The following SIK3 variants were observed in gnomAD, a reference collection of about 807,000 sequenced individuals.
SIK3 encodes SIK family kinase 3.
A neutral mutation model predicts 144.2 loss-of-function variants in SIK3; 28 were observed. That is an observed-to-expected ratio of 0.19 (90% confidence interval 0.14 to 0.27). SIK3 has a LOEUF of 0.27. Among genes scored for constraint, SIK3 ranks in the 10% least tolerant of loss-of-function variants. SIK3 has a pLI of 1.00. For synonymous variants in SIK3, 686 were observed against 676.3 expected (o/e 1.01, Z -0.22); for missense variants, 1,319 against 1,776.0 (o/e 0.74, Z 4.62).
intron 6 of SIK3, among the ~76,000 whole-genome samples, chr11:116,890,871 C>T (rs773605536): frequency 9.2e-5 from 14 of 151,936 alleles, no homozygotes; most frequent in Non-Finnish European, 2.1e-4. Flanking sequence ...GGCTGAAGAG[C>T]TAGGCAGGAG....
chr11:116,854,890 A>G (rs1942752937), intron 21 of SIK3, among the ~76,000 whole-genome samples: 1 of 152,026 alleles, frequency 6.6e-6, no homozygotes, highest in East Asian at 1.9e-4. Flanking sequence ...CAGGAGTTCA[A>G]GACCAGCCTG....
chr11:116,916,498 T>A (rs111417314), intron 4 of SIK3, among the ~76,000 whole-genome samples: 1 of 150,790 alleles, frequency 6.6e-6, no homozygotes, highest in Admixed American at 6.7e-5. Flanking sequence ...TAAATTTCTA[T>A]AATATCACAT....
intron 8 of SIK3, 90 bp downstream of exon 8, chr11:116,876,163 A>C: frequency 6.7e-7 from 1 of 1,494,832 alleles, no homozygotes; most frequent in Non-Finnish European, 9.1e-7. Flanking sequence ...AGGAAAAAAA[A>C]GGCCCAAGTT....
intron 6 of SIK3, among the ~76,000 whole-genome samples, chr11:116,883,133 A>G (rs1944631347): frequency 6.6e-6 from 1 of 152,158 alleles, no homozygotes; most frequent in South Asian, 2.1e-4. Context: ...AACAAGACCA[A>G]TGGATGGCCT....
chr11:117,089,320 C>A (rs1345189247), intron 1 of SIK3, among the ~76,000 whole-genome samples: 1 of 150,902 alleles, frequency 6.6e-6, no homozygotes, highest in African/African-American at 2.4e-5. Flanking sequence ...GACAGGAGAA[C>A]GGCGTGAACC....
Position 116,954,672 on chromosome 11 carries a change from GTT to G in SIK3, c.391-567_391-566del, listed in dbSNP as rs910088299. Among the ~76,000 whole-genome samples, 59 of 152,204 alleles carry G rather than the reference GTT, an allele frequency of 3.9e-4. 1 individual carries two copies. In the East Asian group the frequency reaches 6.0e-3, roughly 15 times the overall value. ...TTTTAAAGTAACGTAAGTGATTTGT[GTT>G]TTGTCTTGGTCCCTTTGTTGCTCCT... is the stretch of plus-strand genomic sequence containing the variant. On this transcript the variant is annotated intron_variant, in intron 2 of 24. Transcript: ENST00000445177.
chr11:116,987,174 A>G (rs924136158), intron 1 of SIK3, among the ~76,000 whole-genome samples: 6 of 152,182 alleles, frequency 3.9e-5, no homozygotes, highest in Non-Finnish European at 7.4e-5. Flanking sequence ...TGACACTCCA[A>G]TATGACCCCT....
intron 1 of SIK3, among the ~76,000 whole-genome samples, chr11:117,049,975 G>C (rs115162413): frequency 6.6e-6 from 1 of 151,284 alleles, no homozygotes; most frequent in Non-Finnish European, 1.5e-5. Context: ...AAAAAAATAG[G>C]ATCTTATATT....
At chr11:116,875,107 G>A (rs1436053463) in intron 11 of SIK3, 51 bp downstream of exon 11, 16 of 1,425,708 alleles carry the variant, frequency 1.1e-5, no homozygotes, top group Non-Finnish European at 1.4e-5. Context: ...TGAAAGTCAG[G>A]TGACAATTCT....
intron 3 of SIK3, among the ~76,000 whole-genome samples, chr11:116,937,942 C>T (rs147683288): frequency 0.024 from 3,706 of 152,114 alleles, 81 homozygotes; most frequent in South Asian, 0.1. Flanking sequence ...CGGTGGCTCA[C>T]GCCTGTAATC....
chr11:116,857,854 T>C lies in SIK3; in HGVS notation c.3611A>G (p.His1204Arg), dbSNP rs760200378. The change falls in exon 21 of 25, where the codon CAT becomes CGT. Residue 1204 changes from histidine to arginine, a missense_variant. Around this residue, in one of 8 missense-constraint regions of SIK3, gnomAD observed 646 missense variants for 763.7 expected, o/e 0.85. Transcript: ENST00000445177. Reference sequence around the variant, plus strand: ...TTTACTGAATGCAGCAGTTGGCTGATGACCATAGGGATGTATCCCCAATTC... The same window carrying C: ...TTTACTGAATGCAGCAGTTGGCTGACGACCATAGGGATGTATCCCCAATTC... ...AQELGIHPYG[H>R]QPTAAFSKNK... The C allele has an allele frequency of 3.1e-6, 5 of 1,614,244 alleles. No homozygotes were observed. The South Asian group carries it at 5.5e-5, about 18-fold the overall frequency.
intron 3 of SIK3, among the ~76,000 whole-genome samples, chr11:116,939,776 GGACATTTTTTAA>G: frequency 6.6e-6 from 1 of 152,216 alleles, no homozygotes; most frequent in South Asian, 2.1e-4. Flanking sequence ...TCCAAATGTA[GGACATTTTTTAA>G]GACAATCCAG....
chr11:117,018,058 A>G lies in SIK3; in HGVS notation c.274-60994T>C, dbSNP rs111700929. ...AATTGGTATAAAATCTTCGGGGGTA[A>G]TATGAGAACAGAGGAAACCCCAGAT... On this transcript the variant is annotated intron_variant, in intron 1 of 24. Transcript: ENST00000445177. Among the ~76,000 whole-genome samples, 1,392 of 152,268 alleles carry G rather than the reference A, an allele frequency of 9.1e-3. 23 individuals are homozygous for G. Among genetic ancestry groups the G allele is most frequent in the African/African-American group, 0.032 (1,328 of 41,536 alleles).
chr11:117,003,491 A>G (rs1950931414), intron 1 of SIK3, among the ~76,000 whole-genome samples: 1 of 152,164 alleles, frequency 6.6e-6, no homozygotes, highest in South Asian at 2.1e-4. Context: ...AAATAAAAAA[A>G]AAAATATATT....
At chr11:116,929,997 A>G (rs1452846883) in intron 3 of SIK3, among the ~76,000 whole-genome samples, 1 of 152,184 alleles carries the variant, frequency 6.6e-6, no homozygotes, top group East Asian at 1.9e-4. Flanking sequence ...AGTTACCTTC[A>G]GTACCCCTAT....
chr11:116,862,025 C>T (rs1943363300), intron 17 of SIK3, 99 bp from the exon 18 acceptor site: 1 of 1,244,822 alleles, frequency 8.0e-7, no homozygotes, highest in Admixed American at 2.0e-5. Context: ...CTATCTGTGT[C>T]TCAGATTTAT....
intron 1 of SIK3, among the ~76,000 whole-genome samples, chr11:116,985,478 T>C (rs1950296814): frequency 6.6e-6 from 1 of 152,246 alleles, no homozygotes; most frequent in African/African-American, 2.4e-5. Flanking sequence ...TTTGCGCTTG[T>C]AAATTAGCAC....
chr11:116,875,719 C>T (rs1944216111), intron 9 of SIK3, 147 bp downstream of exon 9: 3 of 1,046,714 alleles, frequency 2.9e-6, no homozygotes, highest in Non-Finnish European at 4.1e-6. Flanking sequence ...CTTTGATTGG[C>T]CTCTGACAAA....
At position 116,858,704 on chromosome 11, in the gene SIK3, A is replaced by G. The variant is rs757628601; in HGVS notation, c.2766-5T>C. 7.8e-6 allele frequency: 12 copies of G among 1,530,232 alleles called. No individual in the cohort carries two copies. The South Asian group carries it at 1.5e-4, about 20-fold the overall frequency. 94.8% of individuals were successfully genotyped at this position (1,530,232 alleles called of 1,614,324 possible). Reference sequence around the variant, plus strand: ...GAGAACCGATTCACGTTCAAGCTGCAGACACAAAAGGGAGTACCAGACATC... The same window carrying G: ...GAGAACCGATTCACGTTCAAGCTGCGGACACAAAAGGGAGTACCAGACATC... On this transcript the variant is annotated splice_region_variant and splice_polypyrimidine_tract_variant and intron_variant, in intron 20 of 24. Coordinates refer to ENST00000445177, the MANE Select transcript of SIK3 (RefSeq NM_001366686.3). The surrounding 1 kb of genome is among the most constrained non-coding windows in gnomAD (Gnocchi z 5.4).
Sources: gnomAD v4.1 joint callset for allele counts (sites outside exome capture counted in the v4.1 genomes callset) on GRCh38, gnomAD v4.1.1 for gene constraint, gnomAD v4.1.1 regional missense constraint, Gnocchi (gnomAD v3.1) non-coding constraint, MANE v1.5 for transcripts, NCBI Gene and HGNC (gene_info 2026-07-23, HGNC 2026-07-21) for gene names.